CNTNAP2: variants seen among roughly 807,000 people sequenced by gnomAD.
CNTNAP2 encodes the protein contactin associated protein 2, also known as contactin-associated protein-like 2.
A neutral mutation model predicts 155.2 loss-of-function variants in CNTNAP2; 98 were observed. The observed-to-expected ratio is 0.63, with a 90% CI of 0.54 to 0.75. The LOEUF is 0.75. Ranked by LOEUF, CNTNAP2 falls within the 30% of genes least tolerant of loss-of-function variation. The pLI is 0.00. For synonymous variants in CNTNAP2, 651 were observed against 631.2 expected, an observed-to-expected ratio of 1.03 and a Z score of -0.47; for missense variants, 1,727 against 1,688.1, an observed-to-expected ratio of 1.02 and a Z score of -0.40.
chr7:146,767,639 G>A (rs1319641474), intron 1 of CNTNAP2, among the ~76,000 whole-genome samples: 1 of 152,122 alleles, frequency 6.6e-6, no homozygotes, highest in Non-Finnish European at 1.5e-5. Flanking sequence ...AAAATGGGAG[G>A]AAAATATGGT....
intron 1 of CNTNAP2, among the ~76,000 whole-genome samples, chr7:146,283,739 T>A (rs1464710140): frequency 1.3e-5 from 2 of 152,218 alleles, no homozygotes; most frequent in Non-Finnish European, 2.9e-5. Flanking sequence ...TCATATTTAA[T>A]ATATGGATAG....
At chr7:148,260,222 A>T (rs1796534123) in intron 20 of CNTNAP2, among the ~76,000 whole-genome samples, 1 of 152,214 alleles carries the variant, frequency 6.6e-6, no homozygotes, top group African/African-American at 2.4e-5. Flanking sequence ...TTTAAAATGT[A>T]GCTGATCCTC....
At chr7:146,419,717 A>G (rs1179133695) in intron 1 of CNTNAP2, among the ~76,000 whole-genome samples, 2 of 152,170 alleles carry the variant, frequency 1.3e-5, no homozygotes, top group Non-Finnish European at 2.9e-5. Context: ...AAAAACAGGT[A>G]TCATCTCACC....
chr7:147,554,204 T>C (rs754452163), intron 11 of CNTNAP2, among the ~76,000 whole-genome samples: 5 of 152,126 alleles, frequency 3.3e-5, no homozygotes. Flanking sequence ...AAAATACAAG[T>C]AGAGTTGTTT....
At chr7:146,238,690 A>G (rs1053501633) in intron 1 of CNTNAP2, among the ~76,000 whole-genome samples, 2 of 152,028 alleles carry the variant, frequency 1.3e-5, no homozygotes, top group Admixed American at 1.3e-4. Context: ...TCTGCTATGA[A>G]GAAATACCTA....
intron 11 of CNTNAP2, among the ~76,000 whole-genome samples, chr7:147,512,309 TAGAG>T (rs573381920): frequency 7.4e-4 from 112 of 152,314 alleles, no homozygotes; most frequent in African/African-American, 1.5e-3. Context: ...CTTTTCTTGA[TAGAG>T]AGAATTCTAA....
intron 13 of CNTNAP2, among the ~76,000 whole-genome samples, chr7:147,641,009 C>T (rs533449880): frequency 9.2e-5 from 14 of 152,224 alleles, no homozygotes; most frequent in African/African-American, 1.7e-4. Flanking sequence ...TATGTGGGGG[C>T]GGCCATGTTG....
At chr7:147,565,007 C>A (rs1456863880) in intron 12 of CNTNAP2, among the ~76,000 whole-genome samples, 1 of 152,002 alleles carries the variant, frequency 6.6e-6, no homozygotes, top group Non-Finnish European at 1.5e-5. Flanking sequence ...GAGCATGATG[C>A]CACAAAGCTT....
chr7:147,128,571 A>G lies in CNTNAP2; in HGVS notation c.940-122A>G, dbSNP rs1801284245. On this transcript the variant is annotated intron_variant, in intron 6 of 23. Coordinates refer to ENST00000361727, the MANE Select transcript of CNTNAP2 (RefSeq NM_014141.6). ...ATATGCCATAGATTTTGGAGGCAGA[A>G]TGCTATAATATTTGTATATTTTGGT... is the stretch of plus-strand genomic sequence containing the variant. 3.7e-6 allele frequency: 4 copies of G among 1,072,280 alleles called. No individual in the cohort carries two copies. In the African/African-American group the frequency reaches 6.3e-5, roughly 17 times the overall value. The allele number at this position is 1,072,280 out of a possible 1,614,324, so 66.4% of individuals were successfully genotyped here. A position where few individuals can be genotyped will look rare whatever the true frequency, so the allele number is the denominator to read the frequency against.
chr7:146,445,611 T>G (rs147267571), intron 1 of CNTNAP2, among the ~76,000 whole-genome samples: 2 of 152,286 alleles, frequency 1.3e-5, no homozygotes, highest in Admixed American at 6.5e-5. Context: ...GTGTATCTCT[T>G]TACAGTTTCT....
intron 10 of CNTNAP2, among the ~76,000 whole-genome samples, chr7:147,437,686 G>A (rs1797573647): frequency 6.6e-6 from 1 of 152,022 alleles, no homozygotes; most frequent in South Asian, 2.1e-4. Context: ...GGGTATTTTT[G>A]TGGTTCCATA....
intron 13 of CNTNAP2, among the ~76,000 whole-genome samples, chr7:147,880,097 G>C (rs76298264): frequency 6.6e-6 from 1 of 152,218 alleles, no homozygotes; most frequent in African/African-American, 2.4e-5. Context: ...GGTCCTCTCA[G>C]CTGCAAAGCA....
intron 8 of CNTNAP2, among the ~76,000 whole-genome samples, chr7:147,151,495 A>T (rs1801824540): frequency 6.6e-6 from 1 of 152,190 alleles, no homozygotes; most frequent in African/African-American, 2.4e-5. Flanking sequence ...TTTTTCAGCT[A>T]ATCCCTAGAA....
chr7:146,770,488 T>C (rs192931127), intron 1 of CNTNAP2, among the ~76,000 whole-genome samples: 76 of 152,188 alleles, frequency 5.0e-4, no homozygotes, highest in African/African-American at 1.8e-3. Flanking sequence ...TTATAGATTA[T>C]GTTTTAATTT....
intron 1 of CNTNAP2, among the ~76,000 whole-genome samples, chr7:146,159,198 T>C (rs1798177457): frequency 6.6e-6 from 1 of 152,154 alleles, no homozygotes; most frequent in Non-Finnish European, 1.5e-5. Context: ...GCTGAGAGAC[T>C]TTGTCACCAC....
At chr7:147,012,930 T>C (rs879590244) in intron 3 of CNTNAP2, among the ~76,000 whole-genome samples, 9 of 152,060 alleles carry the variant, frequency 5.9e-5, no homozygotes, top group Admixed American at 2.6e-4. Context: ...TGTGGAAAAA[T>C]GTGTTTAAAA....
intron 16 of CNTNAP2, among the ~76,000 whole-genome samples, chr7:148,121,730 T>C (rs1366708803): frequency 6.6e-6 from 1 of 152,202 alleles, no homozygotes; most frequent in Non-Finnish European, 1.5e-5. Flanking sequence ...TGAGTCAGTG[T>C]ACACTAAGTT....
intron 8 of CNTNAP2, among the ~76,000 whole-genome samples, chr7:147,298,154 C>G (rs747942243): frequency 6.6e-6 from 1 of 152,026 alleles, no homozygotes; most frequent in Non-Finnish European, 1.5e-5. Flanking sequence ...AGTGGCCAGG[C>G]GCAGTGGCTC....
At chr7:147,560,146 C>T (rs926425347) in intron 11 of CNTNAP2, among the ~76,000 whole-genome samples, 3 of 84,542 alleles carry the variant, frequency 3.5e-5, no homozygotes, top group Admixed American at 1.8e-4. Context: ...CCAGCCTGGG[C>T]AACAAGAACG....
Sources: allele counts gnomAD v4.1 joint callset (sites outside exome capture counted in the v4.1 genomes callset), GRCh38; gene constraint gnomAD v4.1.1; transcripts MANE v1.5; gene names NCBI Gene and HGNC (gene_info 2026-07-23, HGNC 2026-07-21).